The following CILK1 variants were observed in gnomAD, a reference collection of about 807,000 sequenced individuals.
The protein encoded by CILK1 is ciliogenesis associated kinase 1.
CILK1 carries 47 observed loss-of-function variants against 79.2 expected under a neutral mutation model. That is an observed-to-expected ratio of 0.59 (90% confidence interval 0.47 to 0.76). The LOEUF (loss-of-function observed/expected upper bound fraction) is 0.76. CILK1 is among the 30% of genes least tolerant of loss of function. CILK1 has a pLI of 0.00. For missense variants in CILK1, 660 were observed against 769.5 expected (o/e 0.86, Z 1.68); for synonymous variants, 266 against 275.9 (o/e 0.96, Z 0.36).
intron 3 of CILK1, among the ~76,000 whole-genome samples, chr6:53,037,580 T>G (rs953850544): frequency 3.3e-5 from 5 of 152,136 alleles, no homozygotes; most frequent in African/African-American, 1.2e-4. Context: ...GTGCAAATTA[T>G]TAGAGCAAGA....
At chr6:53,027,900 C>A (rs1581715951) in intron 5 of CILK1, among the ~76,000 whole-genome samples, 1 of 152,234 alleles carries the variant, frequency 6.6e-6, no homozygotes, top group East Asian at 1.9e-4. Context: ...GTAATCCCAG[C>A]ACTTTGGGAG....
rs141908417 is a variant in CILK1 at position 53,055,636 on chromosome 6, C to T, written c.-173+5960G>A. On this transcript the variant is annotated intron_variant, in intron 1 of 13. Coordinates refer to ENST00000676107, the MANE Select transcript of CILK1 (RefSeq NM_014920.5). ...AGAAACTTCTTCATACCTTTACCAT[C>T]CCTCTCCTCTTTCAATCCCAGCTTC... Among the ~76,000 whole-genome samples, 522 of 152,296 alleles carry T rather than the reference C, an allele frequency of 3.4e-3. 2 individuals carry two copies. The highest frequency in any genetic ancestry group is 0.012 in the African/African-American group (494 of 41,566).
At chr6:53,053,499 G>T (rs999375860) in intron 1 of CILK1, among the ~76,000 whole-genome samples, 5 of 152,090 alleles carry the variant, frequency 3.3e-5, no homozygotes, top group African/African-American at 1.2e-4. Flanking sequence ...TACCAGGCAG[G>T]TACTATTACA....
intron 11 of CILK1, 124 bp downstream of exon 11, chr6:53,011,645 C>T (rs905498167): frequency 9.7e-6 from 9 of 929,658 alleles, no homozygotes; most frequent in Admixed American, 1.7e-5. Flanking sequence ...CTATGATGTT[C>T]CCCTCAGTTC....
chr6:53,056,560 G>A (rs1767888392), intron 1 of CILK1, among the ~76,000 whole-genome samples: 3 of 152,170 alleles, frequency 2.0e-5, no homozygotes, highest in African/African-American at 7.2e-5. Context: ...CAAATAAGCA[G>A]AAGCACTTTA....
At chr6:53,008,661 A>G (rs1340961490) in intron 12 of CILK1, among the ~76,000 whole-genome samples, 1 of 152,050 alleles carries the variant, frequency 6.6e-6, no homozygotes, top group African/African-American at 2.4e-5. Flanking sequence ...CCTGACCTCA[A>G]GTGATTCACC....
At chr6:53,056,579 C>A (rs996308530) in intron 1 of CILK1, among the ~76,000 whole-genome samples, 1 of 152,166 alleles carries the variant, frequency 6.6e-6, no homozygotes, top group African/African-American at 2.4e-5. Flanking sequence ...TAGTACTCTC[C>A]ATAGAGCCCT....
chr6:53,005,038 A>C lies in CILK1; in HGVS notation c.*111T>G. The C allele has an allele frequency of 8.3e-7, 1 of 1,200,220 alleles. No homozygotes were observed. The highest frequency in any genetic ancestry group is 1.2e-6 in the Non-Finnish European group (1 of 813,734). 74.3% of individuals were successfully genotyped at this position (1,200,220 alleles called of 1,614,324 possible). ...TCTTAGTTCAGAAGAATAACTATAA[A>C]GTGTTGATTTGCTTTTATGCCCTCT... On this transcript the variant is annotated 3_prime_UTR_variant, in exon 14 of 14. Transcript: ENST00000676107.
intron 5 of CILK1, among the ~76,000 whole-genome samples, chr6:53,026,725 G>A (rs1765605646): frequency 6.6e-6 from 1 of 152,168 alleles, no homozygotes; most frequent in Non-Finnish European, 1.5e-5. Context: ...TTGGGCTTCT[G>A]ATTCACAATG....
chr6:53,053,052 GA>G (rs11413920), intron 1 of CILK1, among the ~76,000 whole-genome samples: 103 of 143,078 alleles, frequency 7.2e-4, no homozygotes, highest in African/African-American at 2.2e-3. Context: ...GTAAAAGCCT[GA>G]AAAAAAAAAA....
intron 6 of CILK1, 99 bp downstream of exon 6, chr6:53,019,128 A>C: frequency 8.9e-7 from 1 of 1,128,962 alleles, no homozygotes; most frequent in Non-Finnish European, 1.3e-6. Context: ...TGTTTCTCTT[A>C]GTGAAAAGTT....
At chr6:53,033,239 C>T (rs888819997) in intron 3 of CILK1, among the ~76,000 whole-genome samples, 3 of 152,146 alleles carry the variant, frequency 2.0e-5, no homozygotes, top group African/African-American at 7.2e-5. Flanking sequence ...TGAAGTAAGA[C>T]AAGAGAAATC....
At chr6:53,007,885 A>G (rs1177913931) in intron 12 of CILK1, among the ~76,000 whole-genome samples, 1 of 151,990 alleles carries the variant, frequency 6.6e-6, no homozygotes, top group East Asian at 1.9e-4. Flanking sequence ...GGTTGCAGTG[A>G]GCCGAGATCA....
intron 8 of CILK1, among the ~76,000 whole-genome samples, chr6:53,015,203 C>T (rs1354912636): frequency 6.6e-6 from 1 of 152,198 alleles, no homozygotes; most frequent in Non-Finnish European, 1.5e-5. Flanking sequence ...GAATTGGTCA[C>T]TTATATGATC....
rs140397255 is a variant in CILK1 at position 53,022,957 on chromosome 6, G to A, written c.359-3598C>T. Among the ~76,000 whole-genome samples, 481 of 147,748 alleles carry A rather than the reference G, an allele frequency of 3.3e-3. 1 individual carries two copies. Among genetic ancestry groups the A allele is most frequent in the African/African-American group, 0.012 (461 of 39,914 alleles). On this transcript the variant is annotated intron_variant, in intron 5 of 13. Transcript: ENST00000676107. Reference sequence around the variant, plus strand: ...TAACCATTTTTTTTTTTTTTGAGACGGAGTCTTGCTCTGTTGCCCAGGCTA... The same window carrying A: ...TAACCATTTTTTTTTTTTTTGAGACAGAGTCTTGCTCTGTTGCCCAGGCTA...
At chr6:53,050,627 A>G (rs1362383784) in intron 1 of CILK1, among the ~76,000 whole-genome samples, 1 of 152,038 alleles carries the variant, frequency 6.6e-6, no homozygotes, top group Non-Finnish European at 1.5e-5. Flanking sequence ...GGAGTTCAAG[A>G]CCAGCCTGGG....
At chr6:53,020,230 C>A (rs1765151060) in intron 5 of CILK1, among the ~76,000 whole-genome samples, 1 of 152,146 alleles carries the variant, frequency 6.6e-6, no homozygotes, top group Non-Finnish European at 1.5e-5. Flanking sequence ...TCTGGAGGTA[C>A]AGGCAGGAGA....
At position 53,004,896 on chromosome 6, in the gene CILK1, C is replaced by T; in HGVS notation, c.*253G>A. 5.0e-6 allele frequency: 2 copies of T among 403,470 alleles called. No homozygotes were observed. Among genetic ancestry groups the T allele is most frequent in the Non-Finnish European group, 8.9e-6 (2 of 223,604 alleles). 25.0% of individuals were successfully genotyped at this position (403,470 alleles called of 1,614,324 possible). A position where few individuals can be genotyped will look rare whatever the true frequency, so the allele number is the denominator to read the frequency against. On this transcript the variant is annotated 3_prime_UTR_variant, in exon 14 of 14. Transcript: ENST00000676107. The stretch of plus-strand genomic sequence containing the variant: ...AAACATAATCCATATATACAAAATG[C>T]TGTTGTTTAAGAAAATAATGGGACC...
intron 1 of CILK1, 36 bp downstream of exon 1, chr6:53,061,560 C>T (rs1354076568): frequency 6.6e-6 from 1 of 152,370 alleles, no homozygotes; most frequent in East Asian, 1.9e-4. Flanking sequence ...GACAGGTCGC[C>T]CGGCAGAAGC....
Sources: allele counts gnomAD v4.1 joint callset (sites outside exome capture counted in the v4.1 genomes callset), GRCh38; gene constraint gnomAD v4.1.1; transcripts MANE v1.5; gene names NCBI Gene and HGNC (gene_info 2026-07-23, HGNC 2026-07-21).